The following NEK10 variants were observed in gnomAD, a reference collection of about 807,000 sequenced individuals.
NEK10 encodes serine/threonine-protein kinase Nek10.
NEK10 carries 122 observed loss-of-function variants against 159.8 expected under a neutral mutation model. The ratio of observed to expected loss-of-function variants is 0.76; its 90% CI spans 0.66 to 0.89. NEK10 has a LOEUF of 0.89. NEK10 is among the 40% of genes least tolerant of loss of function. NEK10 has a pLI of 0.00. For missense variants in NEK10, 1,342 were observed against 1,323.1 expected (o/e 1.01, Z -0.22); for synonymous variants, 466 against 457.1 (o/e 1.02, Z -0.25).
At position 27,106,506 on chromosome 3, in the gene NEK10, A is replaced by G. The variant is rs1939013914; in HGVS notation, c.*4766T>C. Among the ~76,000 whole-genome samples, 1 of 152,224 alleles carries G rather than the reference A, an allele frequency of 6.6e-6. No homozygotes were observed. The highest frequency in any genetic ancestry group is 1.5e-5 in the Non-Finnish European group (1 of 68,032). On this transcript the variant is annotated 3_prime_UTR_variant, in exon 36 of 36. Transcript: ENST00000691995. ...ATATGGAGGGCAACAGTTTTAGCTA[A>G]AATTTAATAGCCATTTACAAGCTTT...
intron 32 of NEK10, among the ~76,000 whole-genome samples, chr3:27,126,915 T>A (rs1186502053): frequency 6.6e-6 from 1 of 152,120 alleles, no homozygotes; most frequent in African/African-American, 2.4e-5. Context: ...GAAAATAACC[T>A]GTCCAATTCT....
intron 23 of NEK10, among the ~76,000 whole-genome samples, chr3:27,247,820 C>CTTTTTTT (rs111440414): frequency 4.8e-5 from 6 of 125,920 alleles, no homozygotes; most frequent in Admixed American, 8.1e-5. Flanking sequence ...CTTTTCTTTT[C>CTTTTTTT]TTTTTTTTTT....
At chr3:27,113,458 A>C (rs1939903935) in intron 35 of NEK10, among the ~76,000 whole-genome samples, 1 of 132,866 alleles carries the variant, frequency 7.5e-6, no homozygotes, top group Non-Finnish European at 1.7e-5. Flanking sequence ...AAAAAAAAAA[A>C]GAAGCCAAAA....
At chr3:27,139,750 A>G (rs939831) in intron 31 of NEK10, among the ~76,000 whole-genome samples, 150,559 of 152,274 alleles carry the variant, frequency 0.99, 74,433 homozygotes, top group East Asian at 1. Flanking sequence ...TCTGGCATGT[A>G]AAGGGGTGAT....
chr3:27,194,376 A>G (rs1054307131), intron 25 of NEK10: 1 of 152,152 alleles, frequency 6.6e-6, no homozygotes, highest in Non-Finnish European at 1.5e-5. Context: ...CGGCCTCCCA[A>G]AGTGCTGGGA....
At chr3:27,121,716 G>A (rs2125453439) in intron 32 of NEK10, among the ~76,000 whole-genome samples, 1 of 152,244 alleles carries the variant, frequency 6.6e-6, no homozygotes, top group Middle Eastern at 3.4e-3. Flanking sequence ...GTATTTATCA[G>A]CAGCATGAAA....
At chr3:27,143,422 A>T in intron 30 of NEK10, 1 of 751,350 alleles carries the variant, frequency 1.3e-6, no homozygotes, top group Non-Finnish European at 2.4e-6. Flanking sequence ...TTTGAATGGG[A>T]TATCACATAG....
intron 23 of NEK10, among the ~76,000 whole-genome samples, chr3:27,217,571 A>C (rs1951662716): frequency 6.6e-6 from 1 of 152,146 alleles, no homozygotes; most frequent in Admixed American, 6.5e-5. Flanking sequence ...CCCACCTCAA[A>C]CACTGGGAAT....
chr3:27,177,108 T>A (rs1196225307), intron 26 of NEK10, among the ~76,000 whole-genome samples: 1 of 152,222 alleles, frequency 6.6e-6, no homozygotes, highest in Non-Finnish European at 1.5e-5. Context: ...TAGTCACTTG[T>A]AACTGCCAAA....
intron 22 of NEK10, among the ~76,000 whole-genome samples, chr3:27,282,039 G>A (rs531138150): frequency 5.3e-5 from 8 of 152,020 alleles, no homozygotes; most frequent in African/African-American, 1.7e-4. Context: ...AATCAACATC[G>A]AACAATAATT....
intron 32 of NEK10, among the ~76,000 whole-genome samples, chr3:27,128,359 C>A (rs1942214874): frequency 2.0e-5 from 3 of 152,150 alleles, no homozygotes; most frequent in Non-Finnish European, 4.4e-5. Flanking sequence ...CATATAATGC[C>A]TGATTGTCCT....
At chr3:27,186,786 G>A (rs1451476787) in intron 26 of NEK10, among the ~76,000 whole-genome samples, 2 of 152,196 alleles carry the variant, frequency 1.3e-5, no homozygotes, top group African/African-American at 4.8e-5. Flanking sequence ...CAGAAGAATA[G>A]AAAAGGATGA....
chr3:27,331,578 T>C (rs567719470), intron 5 of NEK10, among the ~76,000 whole-genome samples: 2 of 152,322 alleles, frequency 1.3e-5, no homozygotes, highest in South Asian at 4.1e-4. Context: ...CCCTCTGCGA[T>C]GGAGTCTGGA....
At chr3:27,284,999 T>A in intron 20 of NEK10, 38 bp from the exon 21 acceptor site, 2 of 1,525,102 alleles carry the variant, frequency 1.3e-6, no homozygotes, top group Non-Finnish European at 1.8e-6. Flanking sequence ...AAATTTAAAC[T>A]CAATACAGGC....
At chr3:27,209,032 T>C (rs988132982) in intron 23 of NEK10, among the ~76,000 whole-genome samples, 13 of 152,282 alleles carry the variant, frequency 8.5e-5, no homozygotes, top group Non-Finnish European at 1.8e-4. Context: ...CTAAAAGAAA[T>C]TGGCACACCT....
intron 5 of NEK10, among the ~76,000 whole-genome samples, chr3:27,331,487 G>A (rs936067338): frequency 6.6e-6 from 1 of 152,110 alleles, no homozygotes; most frequent in Non-Finnish European, 1.5e-5. Flanking sequence ...CTCTTCATTA[G>A]CTTCATCTAT....
At chr3:27,124,914 AC>A (rs1024121255) in intron 32 of NEK10, among the ~76,000 whole-genome samples, 3 of 150,146 alleles carry the variant, frequency 2.0e-5, no homozygotes, top group Non-Finnish European at 3.0e-5. Context: ...TGCTGTGTGA[AC>A]CCTTTTTTTT....
At chr3:27,293,353 T>C (rs73821940) in intron 16 of NEK10, among the ~76,000 whole-genome samples, 7,025 of 152,302 alleles carry the variant, frequency 0.046, 287 homozygotes, top group African/African-American at 0.11. Context: ...AGGGGAGTTG[T>C]ATTGATATAG....
intron 20 of NEK10, 51 bp from the exon 21 acceptor site, chr3:27,285,012 C>T (rs2042471335): frequency 7.0e-7 from 1 of 1,438,804 alleles, no homozygotes; most frequent in Non-Finnish European, 9.4e-7. Flanking sequence ...ATACAGGCAT[C>T]TTGAAAAACT....
Sources: gnomAD v4.1 joint callset for allele counts (sites outside exome capture counted in the v4.1 genomes callset) on GRCh38, gnomAD v4.1.1 for gene constraint, MANE v1.5 for transcripts, NCBI Gene and HGNC (gene_info 2026-07-23, HGNC 2026-07-21) for gene names.